The following AGAP1 variants were observed in gnomAD, a reference collection of about 807,000 sequenced individuals.
The protein encoded by AGAP1 is ArfGAP with GTPase domain, ankyrin repeat and PH domain 1, also known as arf-GAP with GTPase, ANK repeat and PH domain-containing protein 1.
AGAP1 carries 29 observed loss-of-function variants against 105.3 expected under a neutral mutation model. That is an observed-to-expected ratio of 0.28 (90% confidence interval 0.21 to 0.38). The LOEUF (loss-of-function observed/expected upper bound fraction) is 0.38. Among genes scored for constraint, AGAP1 ranks in the 10% least tolerant of loss-of-function variants. The pLI is 1.00. For synonymous variants in AGAP1, 509 were observed against 485.9 expected, an observed-to-expected ratio of 1.05 and a Z score of -0.63; for missense variants, 998 against 1,165.1, an observed-to-expected ratio of 0.86 and a Z score of 2.09.
At chr2:235,920,608 G>A (rs529602433) in intron 11 of AGAP1, among the ~76,000 whole-genome samples, 2 of 152,328 alleles carry the variant, frequency 1.3e-5, no homozygotes, top group African/African-American at 4.8e-5. Context: ...TGTTCAGTAA[G>A]TACTCACAGA....
At chr2:235,575,050 G>A (rs1944687946) in intron 1 of AGAP1, among the ~76,000 whole-genome samples, 1 of 152,120 alleles carries the variant, frequency 6.6e-6, no homozygotes, top group African/African-American at 2.4e-5. Context: ...TGGAGCTTGG[G>A]AAGTTGAGGG....
At chr2:235,808,950 A>G (rs1482844586) in intron 9 of AGAP1, among the ~76,000 whole-genome samples, 2 of 152,196 alleles carry the variant, frequency 1.3e-5, no homozygotes, top group Non-Finnish European at 2.9e-5. Context: ...TTACTGTGTA[A>G]TTTTTATGCC....
chr2:236,022,176 G>A (rs193024982), intron 13 of AGAP1, among the ~76,000 whole-genome samples: 9 of 151,630 alleles, frequency 5.9e-5, no homozygotes, highest in Admixed American at 2.6e-4. Flanking sequence ...TTTATAATGT[G>A]TTTGAAAAAT....
At chr2:235,811,169 T>A (rs536772617) in intron 9 of AGAP1, among the ~76,000 whole-genome samples, 9 of 152,286 alleles carry the variant, frequency 5.9e-5, no homozygotes, top group African/African-American at 4.8e-5. Flanking sequence ...TCTTTAGCAT[T>A]TTTTAATCTC....
In AGAP1 at chr2:235,787,558, G is replaced by GAT. The variant is rs1239830554; in HGVS notation, c.674-10200_674-10199dup. Among the ~76,000 whole-genome samples, 1 of 152,200 alleles carries GAT rather than the reference G, an allele frequency of 6.6e-6. No individual in the cohort carries two copies. Among genetic ancestry groups the GAT allele is most frequent in the African/African-American group, 2.4e-5 (1 of 41,458 alleles). On this transcript the variant is annotated intron_variant, in intron 6 of 17. Coordinates refer to ENST00000304032, the MANE Select transcript of AGAP1 (RefSeq NM_001037131.3). This position sits in a 1 kb window ranked among gnomAD's most constrained non-coding sequence, Gnocchi z 4.4. ...GTGGTTGGTTGGTTGACATTTTCTA[G>GAT]ATGATGCAGCTGGCAGATTTGTCTG...
Position 236,095,344 on chromosome 2 carries a change from C to T in AGAP1, c.2115-24848C>T, listed in dbSNP as rs1406974590. ...CCCAGGAAGTCAAGGCTGCAGTGAG[C>T]CATGATCATGCCACTGCATTCCAGC... On this transcript the variant is annotated intron_variant, in intron 16 of 17. Coordinates refer to ENST00000304032, the MANE Select transcript of AGAP1 (RefSeq NM_001037131.3). This position sits in a 1 kb window ranked among gnomAD's most constrained non-coding sequence, Gnocchi z 4.1. Among the ~76,000 whole-genome samples the T allele has an allele frequency of 6.6e-6, 1 of 152,108 alleles. No homozygotes were observed. The highest frequency in any genetic ancestry group is 1.5e-5 in the Non-Finnish European group (1 of 68,020).
chr2:235,963,044 G>A lies in AGAP1; in HGVS notation c.1484-5418G>A, dbSNP rs567485350. Reference sequence around the variant, plus strand: ...GACACAAAAGGAAAACGTGGATGTGGAGGAAATGCTGATGGGTTGGCTGTG... The same window carrying A: ...GACACAAAAGGAAAACGTGGATGTGAAGGAAATGCTGATGGGTTGGCTGTG... On this transcript the variant is annotated intron_variant, in intron 12 of 17. Transcript: ENST00000304032. This position sits in a 1 kb window ranked among gnomAD's most constrained non-coding sequence, Gnocchi z 5.1. 1.2e-4 allele frequency among the ~76,000 whole-genome samples: 18 copies of A among 152,296 alleles called. No individual in the cohort carries two copies. The South Asian group carries it at 3.7e-3, about 32-fold the overall frequency.
At chr2:236,070,315 G>T (rs1410039894) in intron 16 of AGAP1, among the ~76,000 whole-genome samples, 1 of 152,228 alleles carries the variant, frequency 6.6e-6, no homozygotes, top group East Asian at 1.9e-4. Flanking sequence ...AGAAAGAGCA[G>T]CATTGAAATC....
intron 5 of AGAP1, among the ~76,000 whole-genome samples, chr2:235,746,377 C>CTTTTTCTTTTTTTTTTT (rs1553620164): frequency 1.6e-4 from 9 of 55,562 alleles, no homozygotes; most frequent in Non-Finnish European, 2.7e-4. Flanking sequence ...CCTCCCCCAA[C>CTTTTTCTTTTTTTTTTT]TTTTTTTTTT....
At chr2:235,580,625 TC>T (rs1944900219) in intron 1 of AGAP1, among the ~76,000 whole-genome samples, 1 of 152,218 alleles carries the variant, frequency 6.6e-6, no homozygotes, top group Non-Finnish European at 1.5e-5. Flanking sequence ...GTACAGGAGT[TC>T]TTGAAGCTGA....
At chr2:235,704,728 G>A (rs976445770) in intron 1 of AGAP1, among the ~76,000 whole-genome samples, 7 of 152,196 alleles carry the variant, frequency 4.6e-5, no homozygotes, top group Non-Finnish European at 7.3e-5. Context: ...AAGCGTCCCA[G>A]GTTAGTCTAG....
chr2:236,047,702 C>T (rs1234185625), intron 15 of AGAP1, among the ~76,000 whole-genome samples: 1 of 143,414 alleles, frequency 7.0e-6, no homozygotes, highest in African/African-American at 2.7e-5. Flanking sequence ...TGAGTTCAAG[C>T]GATTCTCCAG....
chr2:235,501,296 T>G (rs746329661), intron 1 of AGAP1, among the ~76,000 whole-genome samples: 6 of 152,242 alleles, frequency 3.9e-5, no homozygotes, highest in Non-Finnish European at 7.3e-5. Flanking sequence ...TTCTGTGGTT[T>G]TGCGGATTTT....
intron 9 of AGAP1, among the ~76,000 whole-genome samples, chr2:235,871,482 C>T (rs890086685): frequency 3.9e-5 from 6 of 152,198 alleles, no homozygotes; most frequent in Admixed American, 6.5e-5. Context: ...GGCCCCATTT[C>T]CATCCTAAGG....
chr2:235,829,086 G>A (rs1050384009), intron 9 of AGAP1, among the ~76,000 whole-genome samples: 9 of 152,246 alleles, frequency 5.9e-5, no homozygotes, highest in African/African-American at 2.2e-4. Flanking sequence ...GGGCACCAGT[G>A]ACTGGGCAGA....
At position 235,811,327 on chromosome 2, in the gene AGAP1, A is replaced by G. The variant is rs80041670; in HGVS notation, c.1050+3996A>G. The stretch of plus-strand genomic sequence containing the variant: ...AGACTTGCCTTGTACTTGGTAGCGT[A>G]CGCTAGAAGGATTTGAATTTTTTGA... On this transcript the variant is annotated intron_variant, in intron 9 of 17. Coordinates refer to ENST00000304032, the MANE Select transcript of AGAP1 (RefSeq NM_001037131.3). 8.0e-3 allele frequency among the ~76,000 whole-genome samples: 1,224 copies of G among 152,350 alleles called. 17 individuals are homozygous for G. The highest frequency in any genetic ancestry group is 0.026 in the African/African-American group (1,076 of 41,580).
rs183849220 is a variant in AGAP1 at position 235,556,906 on chromosome 2, C to A, written c.163+62057C>A. 6.6e-6 allele frequency among the ~76,000 whole-genome samples: 1 copy of A among 152,122 alleles called. No homozygotes were observed. The highest frequency in any genetic ancestry group is 1.5e-5 in the Non-Finnish European group (1 of 68,036). On this transcript the variant is annotated intron_variant, in intron 1 of 17. Transcript: ENST00000304032. This position sits in a 1 kb window ranked among gnomAD's most constrained non-coding sequence, Gnocchi z 5.3. ...TGCTCTTCATTGGCAATGTAGAAGT[C>A]AAGTTTGAACTGAGGGCTGTCTTAT...
rs1016136312 is a variant in AGAP1, at chr2:235,877,744, T to G, written c.1051-5601T>G. 1.3e-5 allele frequency among the ~76,000 whole-genome samples: 2 copies of G among 152,172 alleles called. No individual in the cohort carries two copies. Among genetic ancestry groups the G allele is most frequent in the Non-Finnish European group, 2.9e-5 (2 of 68,030 alleles). On this transcript the variant is annotated intron_variant, in intron 9 of 17. Coordinates refer to ENST00000304032, the MANE Select transcript of AGAP1 (RefSeq NM_001037131.3). This position sits in a 1 kb window ranked among gnomAD's most constrained non-coding sequence, Gnocchi z 4.3. The stretch of plus-strand genomic sequence containing the variant: ...ATGGTTCCAGAGAAAATGACAGGTT[T>G]CCCTTGCATCTCAAATTTGCTCAGA...
chr2:235,673,041 A>G (rs986678524), intron 1 of AGAP1, among the ~76,000 whole-genome samples: 1 of 152,228 alleles, frequency 6.6e-6, no homozygotes, highest in Non-Finnish European at 1.5e-5. Context: ...TCAGAACTCT[A>G]GGGCCTCACT....
Sources: allele counts gnomAD v4.1 joint callset (sites outside exome capture counted in the v4.1 genomes callset), GRCh38; gene constraint gnomAD v4.1.1; non-coding constraint Gnocchi (gnomAD v3.1); transcripts MANE v1.5; gene names NCBI Gene and HGNC (gene_info 2026-07-23, HGNC 2026-07-21).